DST: variants seen among roughly 807,000 people sequenced by gnomAD.
The protein encoded by DST is dystonin.
DST carries 253 observed loss-of-function variants against 875.2 expected under a neutral mutation model. The ratio of observed to expected loss-of-function variants is 0.29; its 90% CI spans 0.26 to 0.32. The LOEUF (loss-of-function observed/expected upper bound fraction) is 0.32. Ranked by LOEUF, DST falls within the 10% of genes least tolerant of loss-of-function variation. The pLI is 1.00. For missense variants in DST, 8,287 were observed against 9,111.6 expected (o/e 0.91, Z 3.68); for synonymous variants, 3,124 against 3,197.1 (o/e 0.98, Z 0.77).
At chr6:56,527,386 T>A in intron 68 of DST, 107 bp downstream of exon 68, 1 of 1,384,504 alleles carries the variant, frequency 7.2e-7, no homozygotes, top group Non-Finnish European at 9.6e-7. Context: ...CACCAAGGCA[T>A]CCTTCAGCAT....
intron 82 of DST, among the ~76,000 whole-genome samples, chr6:56,497,057 T>G (rs534918106): frequency 3.8e-4 from 58 of 152,146 alleles, no homozygotes; most frequent in Non-Finnish European, 4.9e-4. Context: ...GAGATACACC[T>G]AATGCTAAAT....
intron 4 of DST, among the ~76,000 whole-genome samples, chr6:56,836,186 T>C (rs13195601): frequency 0.12 from 18,402 of 152,148 alleles, 1,556 homozygotes; most frequent in Non-Finnish European, 0.18. Flanking sequence ...AATCAGAATC[T>C]TAATAAATAT....
intron 3 of DST, among the ~76,000 whole-genome samples, chr6:56,875,703 T>C (rs2127621052): frequency 6.6e-6 from 1 of 152,266 alleles, no homozygotes; most frequent in East Asian, 1.9e-4. Flanking sequence ...TTGGTGTCAA[T>C]GGTAGAGGGC....
chr6:56,600,036 A>G (rs2098430585), intron 45 of DST, 33 bp downstream of exon 45: 1 of 1,580,508 alleles, frequency 6.3e-7, no homozygotes, highest in Non-Finnish European at 8.7e-7. Context: ...CATAACATCA[A>G]CATAGATCTG....
chr6:56,755,482 G>A (rs1205277129), intron 4 of DST, among the ~76,000 whole-genome samples: 3 of 152,212 alleles, frequency 2.0e-5, no homozygotes, highest in Admixed American at 2.0e-4. Context: ...TACTCTGTAA[G>A]TAAGGCAGAT....
At chr6:56,896,584 A>G (rs113237803) in intron 3 of DST, among the ~76,000 whole-genome samples, 5,040 of 152,306 alleles carry the variant, frequency 0.033, 277 homozygotes, top group African/African-American at 0.12. Context: ...CCAGCAGTGT[A>G]GAAGTGTTCC....
intron 9 of DST, among the ~76,000 whole-genome samples, chr6:56,679,737 A>G (rs777147124): frequency 6.6e-6 from 1 of 151,828 alleles, no homozygotes; most frequent in Non-Finnish European, 1.5e-5. Flanking sequence ...ATGCCACTAC[A>G]CTCCAGCCTG....
At chr6:56,530,834 C>T (rs115305344) in intron 64 of DST, among the ~76,000 whole-genome samples, 3,845 of 152,232 alleles carry the variant, frequency 0.025, 73 homozygotes, top group Non-Finnish European at 0.043. Flanking sequence ...TTATCTAGAG[C>T]AAGCTATTGT....
At chr6:56,484,573 T>C (rs2095502140) in intron 88 of DST, 1 of 152,148 alleles carries the variant, frequency 6.6e-6, no homozygotes, top group Non-Finnish European at 1.5e-5. Flanking sequence ...ATGTAAGACA[T>C]TTTTATATAA....
Position 56,552,212 on chromosome 6 carries a change from G to A in DST, c.16580C>T (p.Thr5527Ile), listed in dbSNP as rs1325850498. The A allele has an allele frequency of 1.9e-6, 3 of 1,612,846 alleles. No individual in the cohort carries two copies. Among genetic ancestry groups the A allele is most frequent in the South Asian group, 2.2e-5 (2 of 90,822 alleles). Residue 5527 changes from threonine to isoleucine, a missense_variant, in exon 61 of 104, where the codon ACA becomes ATA. Transcript: ENST00000680361. ...SQGPVGMETE[T>I]INQQLNMFKV... is the part of the protein sequence containing the mutation. Reference sequence around the variant, plus strand: ...GAACATGTTAAGCTGCTGATTAATTGTCTCCGTTTCCATACCAACAGGACC... The same window carrying A: ...GAACATGTTAAGCTGCTGATTAATTATCTCCGTTTCCATACCAACAGGACC...
chr6:56,696,887 T>G (rs2099267178), intron 9 of DST, among the ~76,000 whole-genome samples: 1 of 152,202 alleles, frequency 6.6e-6, no homozygotes, highest in Admixed American at 6.5e-5. Context: ...CTCCAAATTT[T>G]TATCCTTAGT....
intron 10 of DST, among the ~76,000 whole-genome samples, chr6:56,662,455 C>T (rs938388485): frequency 6.6e-6 from 1 of 152,076 alleles, no homozygotes; most frequent in African/African-American, 2.4e-5. Flanking sequence ...TTTTAAAAAT[C>T]ACAGATACAA....
intron 3 of DST, among the ~76,000 whole-genome samples, chr6:56,864,780 G>A (rs938404737): frequency 1.1e-4 from 16 of 151,760 alleles, no homozygotes; most frequent in Non-Finnish European, 2.2e-4. Flanking sequence ...ACTAGATATC[G>A]AGTACTTAGA....
At chr6:56,777,097 C>T (rs1204253271) in intron 4 of DST, among the ~76,000 whole-genome samples, 1 of 151,430 alleles carries the variant, frequency 6.6e-6, no homozygotes, top group Admixed American at 6.6e-5. Context: ...GACAAAAATG[C>T]TTCTCTTATT....
Position 56,625,204 on chromosome 6 carries a change from C to A in DST, c.4783G>T (p.Val1595Leu). The change falls in exon 35 of 104, where the codon GTG becomes TTG. Residue 1595 changes from valine (V) to leucine (L), a missense_variant. By Grantham distance (32) the Val-to-Leu change is conservative (BLOSUM62 1). Around this residue, in one of 10 missense-constraint regions of DST, gnomAD observed 3,138 missense variants for 3,116.6 expected, o/e 1.01. Transcript: ENST00000680361. The part of the protein sequence containing the change: ...AMVDSQQKSP[V>L]KRRRMQSSAD... ...GAACTCTGCATTCTTCGGCGTTTCA[C>A]TGGAGATTTTTGTTGTGAATCTACC... 1 of 1,613,612 alleles carries A rather than the reference C, an allele frequency of 6.2e-7. No homozygotes were observed. The highest frequency in any genetic ancestry group is 8.5e-7 in the Non-Finnish European group (1 of 1,179,628).
chr6:56,634,173 T>C lies in DST; in HGVS notation c.3580A>G (p.Ile1194Val), dbSNP rs367873602. 16 of 1,604,584 alleles carry C rather than the reference T, an allele frequency of 1.0e-5. No homozygotes were observed. In the African/African-American group the frequency reaches 1.5e-4, roughly 15 times the overall value. ...GCTCGAATTCTATCAATTTCATTGATGAGATAATGCCAGGATACTACACTC... is the reference window on the plus strand; with the variant it reads ...GCTCGAATTCTATCAATTTCATTGACGAGATAATGCCAGGATACTACACTC... ...MKSVVSWHYL[I>V]NEIDRIRASN... The change falls in exon 27 of 104, where the codon ATC becomes GTC. Residue 1194 changes from isoleucine to valine, a missense_variant. Ile to Val is a conservative substitution (Grantham distance 29). Around this residue, in one of 10 missense-constraint regions of DST, gnomAD observed 3,138 missense variants for 3,116.6 expected, o/e 1.01. Coordinates refer to ENST00000680361, the MANE Select transcript of DST (RefSeq NM_001374736.1).
Position 56,529,973 on chromosome 6 carries a change from C to T in DST, c.17268+1G>A. The stretch of plus-strand genomic sequence containing the variant: ...TCGCTAATGTGTGATTTATATCTTA[C>T]TTTGTGCTGTGCAATTTGTTCCTCA... On this transcript the variant is annotated splice_donor_variant, in intron 65 of 103. Coordinates refer to ENST00000680361, the MANE Select transcript of DST (RefSeq NM_001374736.1). LOFTEE classifies it high-confidence loss of function. 6.2e-7 allele frequency: 1 copy of T among 1,612,988 alleles called. No homozygotes were observed. Among genetic ancestry groups the T allele is most frequent in the Non-Finnish European group, 8.5e-7 (1 of 1,179,490 alleles).
chr6:56,628,106 G>A lies in DST; in HGVS notation c.4531C>T (p.His1511Tyr). The change falls in exon 33 of 104, where the codon CAT (histidine) becomes TAT (tyrosine). Residue 1511 changes from histidine to tyrosine, a missense_variant. Transcript: ENST00000680361. ...KSLKYYRDTY[H>Y]PLDDWIQQVE... The stretch of plus-strand genomic sequence containing the variant: ...TGCTGGATCCAATCATCTAAAGGAT[G>A]GTAAGTGTCTCTGTAGTACTTCAGT... 6.2e-6 allele frequency: 10 copies of A among 1,613,664 alleles called. No individual in the cohort carries two copies. Among genetic ancestry groups the A allele is most frequent in the South Asian group, 1.1e-5 (1 of 91,066 alleles).
rs548405924 is a variant in DST, at chr6:56,952,618, C to A, written c.216+1167G>T. On this transcript the variant is annotated intron_variant, in intron 2 of 103. Coordinates refer to ENST00000680361, the MANE Select transcript of DST (RefSeq NM_001374736.1). The stretch of plus-strand genomic sequence containing the variant: ...ATTTTACAAAATATAATGATAGCTA[C>A]CAAATACTGAATACTTATTATGAAC... Among the ~76,000 whole-genome samples, 5 of 152,158 alleles carry A rather than the reference C, an allele frequency of 3.3e-5. No homozygotes were observed. In the East Asian group the frequency reaches 9.6e-4, roughly 29 times the overall value.
Sources: gnomAD v4.1 joint callset for allele counts (sites outside exome capture counted in the v4.1 genomes callset) on GRCh38, gnomAD v4.1.1 for gene constraint, gnomAD v4.1.1 regional missense constraint, MANE v1.5 for transcripts, NCBI Gene and HGNC (gene_info 2026-07-23, HGNC 2026-07-21) for gene names.